The following GPC6 variants were observed in gnomAD, a reference collection of about 807,000 sequenced individuals.
GPC6 encodes the protein glypican-6.
In GPC6, 14 loss-of-function variants were observed where a neutral mutation model predicts 55.2. That is an observed-to-expected ratio of 0.25 (90% CI 0.17 to 0.40). The LOEUF (loss-of-function observed/expected upper bound fraction) is 0.40. Among genes scored for constraint, GPC6 ranks in the 10% least tolerant of loss-of-function variants. The pLI is 1.00. For synonymous variants in GPC6, 278 were observed against 259.6 expected (o/e 1.07, Z -0.68); for missense variants, 641 against 708.5 (o/e 0.90, Z 1.08).
chr13:93,395,670 T>C (rs1875820032), intron 1 of GPC6: 1 of 155,084 alleles, frequency 6.4e-6, no homozygotes, highest in Non-Finnish European at 1.4e-5. Flanking sequence ...GTGGCATAGA[T>C]GACAAACCAA....
At chr13:93,631,740 A>G (rs912758655) in intron 2 of GPC6, among the ~76,000 whole-genome samples, 3 of 152,200 alleles carry the variant, frequency 2.0e-5, no homozygotes, top group African/African-American at 7.2e-5. Flanking sequence ...ATACCACTGT[A>G]TGTGTTCCCC....
At chr13:94,352,335 C>T (rs1878593113) in intron 6 of GPC6, among the ~76,000 whole-genome samples, 1 of 152,146 alleles carries the variant, frequency 6.6e-6, no homozygotes, top group Non-Finnish European at 1.5e-5. Context: ...CATGTCTTCT[C>T]TGTGCCCCTG....
intron 2 of GPC6, among the ~76,000 whole-genome samples, chr13:93,724,984 T>G (rs1222859382): frequency 6.6e-6 from 1 of 151,998 alleles, no homozygotes; most frequent in African/African-American, 2.4e-5. Flanking sequence ...AACCTAACAT[T>G]TAAAAAAAAG....
At chr13:93,998,970 A>G (rs1881676353) in intron 3 of GPC6, among the ~76,000 whole-genome samples, 1 of 152,108 alleles carries the variant, frequency 6.6e-6, no homozygotes, top group South Asian at 2.1e-4. Context: ...CCTTCAACCA[A>G]TACTTCCTCA....
intron 5 of GPC6, among the ~76,000 whole-genome samples, chr13:94,304,252 G>A (rs558976936): frequency 1.3e-5 from 2 of 152,306 alleles, no homozygotes; most frequent in African/African-American, 4.8e-5. Context: ...AAGTACCGCC[G>A]CTCTGCAAAA....
intron 1 of GPC6, among the ~76,000 whole-genome samples, chr13:93,453,415 G>A (rs953410061): frequency 1.3e-4 from 19 of 151,922 alleles, no homozygotes; most frequent in African/African-American, 4.6e-4. Flanking sequence ...TGCTTACCAT[G>A]TACTGTGCAC....
intron 3 of GPC6, among the ~76,000 whole-genome samples, chr13:93,917,933 C>T (rs1877373356): frequency 6.6e-6 from 1 of 152,078 alleles, no homozygotes; most frequent in Admixed American, 6.5e-5. Context: ...CCTGTCTCTA[C>T]TAAAAATAGA....
intron 1 of GPC6, among the ~76,000 whole-genome samples, chr13:93,239,547 G>T (rs1876358152): frequency 6.6e-6 from 1 of 151,640 alleles, no homozygotes; most frequent in African/African-American, 2.4e-5. Flanking sequence ...GGTTAATCTA[G>T]CTAGTGATTT....
chr13:94,235,835 T>C lies in GPC6; in HGVS notation c.878-50514T>C, dbSNP rs572184409. ...TAGAACCAGTCAATTAGTTGCAGAT[T>C]TGAGATGTTAATAAGATCAGAGATT... On this transcript the variant is annotated intron_variant, in intron 4 of 8. Transcript: ENST00000377047. 3.9e-5 allele frequency among the ~76,000 whole-genome samples: 6 copies of C among 152,228 alleles called. No individual in the cohort carries two copies. In the East Asian group the frequency reaches 1.2e-3, roughly 29 times the overall value.
intron 2 of GPC6, among the ~76,000 whole-genome samples, chr13:93,596,464 C>T (rs919649423): frequency 1.3e-5 from 2 of 151,742 alleles, no homozygotes; most frequent in African/African-American, 2.4e-5. Context: ...ATACACTCTC[C>T]GACTATTTAA....
intron 2 of GPC6, among the ~76,000 whole-genome samples, chr13:93,710,211 G>T (rs1883005482): frequency 6.6e-6 from 1 of 151,806 alleles, no homozygotes; most frequent in African/African-American, 2.4e-5. Context: ...TGGTAAAGAA[G>T]AAATTATTGT....
chr13:93,372,044 T>C (rs1566322559), intron 1 of GPC6, among the ~76,000 whole-genome samples: 1 of 152,152 alleles, frequency 6.6e-6, no homozygotes, highest in South Asian at 2.1e-4. Context: ...TCTGAAGTGA[T>C]GAGCAAAAGA....
intron 5 of GPC6, among the ~76,000 whole-genome samples, chr13:94,288,895 A>ACAAATATATATATATTTGTTAT: frequency 7.8e-6 from 1 of 128,982 alleles, no homozygotes; most frequent in East Asian, 2.0e-4. Flanking sequence ...AATATATATA[A>ACAAATATATATATATTTGTTAT]CAAATATATA....
chr13:93,468,741 C>G (rs915220770), intron 1 of GPC6, among the ~76,000 whole-genome samples: 1 of 152,136 alleles, frequency 6.6e-6, no homozygotes, highest in Non-Finnish European at 1.5e-5. Flanking sequence ...CTAAGGTAAA[C>G]TAACTGGGGC....
chr13:93,699,951 A>G (rs1418560444), intron 2 of GPC6, among the ~76,000 whole-genome samples: 1 of 152,050 alleles, frequency 6.6e-6, no homozygotes, highest in Non-Finnish European at 1.5e-5. Flanking sequence ...AACTCATCAA[A>G]TGTGCTCTTG....
rs1363254422 is a variant in GPC6 at position 93,489,031 on chromosome 13, A to G, written c.161-56232A>G. Among the ~76,000 whole-genome samples the G allele has an allele frequency of 4.6e-5, 7 of 151,598 alleles. No individual in the cohort carries two copies. The South Asian group carries it at 1.3e-3, about 27-fold the overall frequency. On this transcript the variant is annotated intron_variant, in intron 1 of 8. Coordinates refer to ENST00000377047, the MANE Select transcript of GPC6 (RefSeq NM_005708.5). ...TGCCATTGCTCTTGGTGTTTTAGTC[A>G]TGAAGTCCTTGCCCATGCCTATGTC...
At chr13:93,945,786 T>G (rs760694608) in intron 3 of GPC6, among the ~76,000 whole-genome samples, 1 of 152,232 alleles carries the variant, frequency 6.6e-6, no homozygotes, top group Non-Finnish European at 1.5e-5. Context: ...AACTCCTGCA[T>G]CTGTAGCCTG....
Position 93,427,460 on chromosome 13 carries a change from A to C in GPC6, c.161-117803A>C, listed in dbSNP as rs989314542. Among the ~76,000 whole-genome samples, 7 of 152,010 alleles carry C rather than the reference A, an allele frequency of 4.6e-5. 1 individual carries two copies. Among genetic ancestry groups the C allele is most frequent in the Admixed American group, 4.6e-4 (7 of 15,230 alleles). On this transcript the variant is annotated intron_variant, in intron 1 of 8. Transcript: ENST00000377047. Reference sequence around the variant, plus strand: ...GAAATAACGCCACATATCTACAACTATCTGATCTTTGACAAACCTGAGAAA... The same window carrying C: ...GAAATAACGCCACATATCTACAACTCTCTGATCTTTGACAAACCTGAGAAA...
At chr13:94,298,534 C>T (rs1181433477) in intron 5 of GPC6, among the ~76,000 whole-genome samples, 1 of 152,196 alleles carries the variant, frequency 6.6e-6, no homozygotes, top group African/African-American at 2.4e-5. Context: ...TGCCTGAGCT[C>T]TGAGCCCAGC....
Sources: allele counts gnomAD v4.1 joint callset (sites outside exome capture counted in the v4.1 genomes callset), GRCh38; gene constraint gnomAD v4.1.1; transcripts MANE v1.5; gene names NCBI Gene and HGNC (gene_info 2026-07-23, HGNC 2026-07-21).